The following PBX1 variants were observed in gnomAD, a reference collection of about 807,000 sequenced individuals.
PBX1 encodes the protein PBX homeobox 1, also known as pre-B-cell leukemia transcription factor 1.
A neutral mutation model predicts 53.4 loss-of-function variants in PBX1; 6 were observed. The ratio of observed to expected loss-of-function variants is 0.11; its 90% CI spans 0.06 to 0.22. PBX1 has a LOEUF of 0.22. Ranked by LOEUF, PBX1 falls within the 10% of genes least tolerant of loss-of-function variation. The probability of loss-of-function intolerance (pLI) is 1.00; values close to 1 mark genes in which losing one functional copy is unlikely to be tolerated. For synonymous variants in PBX1, 204 were observed against 212.3 expected (o/e 0.96, Z 0.34); for missense variants, 251 against 551.4 (o/e 0.46, Z 5.46).
chr1:164,660,892 C>A (rs1660449829), intron 2 of PBX1, among the ~76,000 whole-genome samples: 1 of 152,174 alleles, frequency 6.6e-6, no homozygotes, highest in African/African-American at 2.4e-5. Flanking sequence ...TCTCCCCTCA[C>A]AAATTCTGCT....
At position 164,569,564 on chromosome 1, in the gene PBX1, A is replaced by AATT. The variant is rs1653682380; in HGVS notation, c.265+6253_265+6254insATT. Among the ~76,000 whole-genome samples, 21 of 78,184 alleles carry AATT rather than the reference A, an allele frequency of 2.7e-4. 1 individual carries two copies. The highest frequency in any genetic ancestry group is 1.0e-3 in the African/African-American group (19 of 18,220). 51.3% of individuals were successfully genotyped at this position (78,184 alleles called of 152,430 possible). ...AGATTTGCTTTCTTTTTTTCCTTGC[A>AATT]TTTTTTTTTTTTTTTTTTTTTTTTT... On this transcript the variant is annotated intron_variant, in intron 2 of 8. Transcript: ENST00000420696.
intron 2 of PBX1, among the ~76,000 whole-genome samples, chr1:164,585,137 T>A (rs1232046845): frequency 2.0e-5 from 3 of 152,196 alleles, no homozygotes; most frequent in Non-Finnish European, 4.4e-5. Context: ...AATGGACATC[T>A]TTCTGGGCAC....
At position 164,640,556 on chromosome 1, in the gene PBX1, G is replaced by GTT. The variant is rs1272033438; in HGVS notation, c.265+77246_265+77247insTT. Among the ~76,000 whole-genome samples the GTT allele has an allele frequency of 5.2e-4, 16 of 30,682 alleles. 1 individual carries two copies. Among genetic ancestry groups the GTT allele is most frequent in the East Asian group, 1.4e-3 (1 of 706 alleles). 20.1% of individuals were successfully genotyped at this position (30,682 alleles called of 152,430 possible). Reference sequence around the variant, plus strand: ...CCTCGTTTTTTGGTGTTTTTTTTTTGTGTTTTTTTTTTTTTTTTTAGACGA... The same window carrying GTT: ...CCTCGTTTTTTGGTGTTTTTTTTTTGTTTGTTTTTTTTTTTTTTTTTAGACGA... On this transcript the variant is annotated intron_variant, in intron 2 of 8. Coordinates refer to ENST00000420696, the MANE Select transcript of PBX1 (RefSeq NM_002585.4).
intron 2 of PBX1, among the ~76,000 whole-genome samples, chr1:164,663,547 A>G (rs1029713105): frequency 8.5e-5 from 13 of 152,230 alleles, no homozygotes; most frequent in African/African-American, 2.9e-4. Flanking sequence ...GATACTTATC[A>G]TCGACATGCT....
chr1:164,571,909 ATATATATG>A, intron 2 of PBX1, among the ~76,000 whole-genome samples: 1 of 106,244 alleles, frequency 9.4e-6, no homozygotes, highest in African/African-American at 3.5e-5. Context: ...ATATATATAT[ATATATATG>A]CTTTTTTTTT....
chr1:164,760,567 AC>A (rs1666758218), intron 2 of PBX1, among the ~76,000 whole-genome samples: 1 of 152,038 alleles, frequency 6.6e-6, no homozygotes, highest in Non-Finnish European at 1.5e-5. Flanking sequence ...CCCCAAAACA[AC>A]AACAATAAAA....
At chr1:164,634,733 G>A (rs1658633007) in intron 2 of PBX1, among the ~76,000 whole-genome samples, 1 of 152,174 alleles carries the variant, frequency 6.6e-6, no homozygotes, top group Admixed American at 6.5e-5. Flanking sequence ...GACTCCCTCG[G>A]ACATGGTTTG....
intron 2 of PBX1, among the ~76,000 whole-genome samples, chr1:164,574,248 T>A (rs1654072254): frequency 6.6e-6 from 1 of 152,234 alleles, no homozygotes; most frequent in South Asian, 2.1e-4. Context: ...TTCCTTGTTT[T>A]CTTTAGCTGT....
intron 2 of PBX1, among the ~76,000 whole-genome samples, chr1:164,615,919 C>T (rs547000539): frequency 1.7e-4 from 26 of 152,152 alleles, no homozygotes; most frequent in Admixed American, 5.9e-4. Context: ...CTGGAAGGGT[C>T]GCAGAGGTTA....
intron 2 of PBX1, among the ~76,000 whole-genome samples, chr1:164,701,253 A>G (rs1322850739): frequency 6.6e-6 from 1 of 152,078 alleles, no homozygotes; most frequent in Non-Finnish European, 1.5e-5. Context: ...TTGATCTGTT[A>G]TTTTTCTAAA....
chr1:164,656,808 T>C (rs1192283324), intron 2 of PBX1, among the ~76,000 whole-genome samples: 2 of 152,170 alleles, frequency 1.3e-5, no homozygotes, highest in Non-Finnish European at 2.9e-5. Flanking sequence ...GGTATTCTTA[T>C]GTTATATAAA....
chr1:164,776,981 A>AGAGAGGGGG (rs1667701639), intron 2 of PBX1, among the ~76,000 whole-genome samples: 8 of 15,040 alleles, frequency 5.3e-4, no homozygotes, highest in Middle Eastern at 0.026. Context: ...GAGAGAGAGG[A>AGAGAGGGGG]GGTGTGGGGG....
chr1:164,680,478 AGCGATCT>A (rs1661694229), intron 2 of PBX1: 1 of 152,192 alleles, frequency 6.6e-6, no homozygotes, highest in South Asian at 2.1e-4. Flanking sequence ...GTACAGATAA[AGCGATCT>A]GATTTTATAC....
intron 2 of PBX1, chr1:164,771,531 C>A (rs1225103769): frequency 2.0e-5 from 3 of 151,706 alleles, no homozygotes; most frequent in Non-Finnish European, 4.4e-5. Context: ...TCACTACAGT[C>A]TTTCTGCTTT....
At chr1:164,813,228 A>G (rs1241633456) in intron 6 of PBX1, 1 of 152,220 alleles carries the variant, frequency 6.6e-6, no homozygotes, top group African/African-American at 2.4e-5. Flanking sequence ...ATTTGTTATG[A>G]TAAGGTCCTC....
chr1:164,702,429 A>G (rs1413717713), intron 2 of PBX1, among the ~76,000 whole-genome samples: 1 of 152,208 alleles, frequency 6.6e-6, no homozygotes, highest in Non-Finnish European at 1.5e-5. Flanking sequence ...TGCTATGTTT[A>G]TAGACATCAT....
intron 2 of PBX1, among the ~76,000 whole-genome samples, chr1:164,863,454 T>C (rs908538407): frequency 1.3e-5 from 2 of 152,182 alleles, no homozygotes; most frequent in Non-Finnish European, 2.9e-5. Flanking sequence ...AATAAAAACA[T>C]CCAGTTCCTA....
chr1:164,576,108 C>A (rs1361017797), intron 2 of PBX1, among the ~76,000 whole-genome samples: 2 of 152,232 alleles, frequency 1.3e-5, no homozygotes, highest in African/African-American at 4.8e-5. Context: ...TAAGGGGATG[C>A]ATCACAAAAT....
rs536024752 is a variant in PBX1, at chr1:164,780,423, G to A, written c.266-12071G>A. Among the ~76,000 whole-genome samples the A allele has an allele frequency of 2.6e-3, 400 of 152,264 alleles. 4 individuals are homozygous for A. Among genetic ancestry groups the A allele is most frequent in the African/African-American group, 9.2e-3 (383 of 41,542 alleles). ...CCCCTGGAAACTTGAATCGGCAGTC[G>A]AGAAGCCTTGTTCAGGATGGAATTT... On this transcript the variant is annotated intron_variant, in intron 2 of 8. Coordinates refer to ENST00000420696, the MANE Select transcript of PBX1 (RefSeq NM_002585.4).
Sources: allele counts gnomAD v4.1 joint callset (sites outside exome capture counted in the v4.1 genomes callset), GRCh38; gene constraint gnomAD v4.1.1; transcripts MANE v1.5; gene names NCBI Gene and HGNC (gene_info 2026-07-23, HGNC 2026-07-21).